GRB10: variants seen among roughly 807,000 people sequenced by gnomAD.
GRB10 encodes growth factor receptor-bound protein 10.
In GRB10, 20 loss-of-function variants were observed where a neutral mutation model predicts 80.9. That is an observed-to-expected ratio of 0.25 (90% CI 0.17 to 0.36). The LOEUF (loss-of-function observed/expected upper bound fraction) is 0.36. Ranked by LOEUF, GRB10 falls within the 10% of genes least tolerant of loss-of-function variation. The probability of loss-of-function intolerance (pLI) is 1.00; values close to 1 mark genes in which losing one functional copy is unlikely to be tolerated. For synonymous variants in GRB10, 291 were observed against 291.5 expected (o/e 1.00, Z 0.02); for missense variants, 548 against 747.7 (o/e 0.73, Z 3.12).
chr7:50,625,189 T>C (rs1249195592), intron 8 of GRB10, among the ~76,000 whole-genome samples: 2 of 152,178 alleles, frequency 1.3e-5, no homozygotes, highest in African/African-American at 4.8e-5. Flanking sequence ...ATTCCTTATA[T>C]GTTAAAATTT....
intron 5 of GRB10, among the ~76,000 whole-genome samples, chr7:50,682,201 T>C (rs957853629): frequency 1.3e-5 from 2 of 152,184 alleles, no homozygotes; most frequent in African/African-American, 2.4e-5. Flanking sequence ...CCTGGAGCAG[T>C]TGGCTAAACA....
intron 7 of GRB10, among the ~76,000 whole-genome samples, chr7:50,666,427 T>C (rs1159237370): frequency 1.3e-5 from 2 of 152,092 alleles, no homozygotes; most frequent in Non-Finnish European, 2.9e-5. Context: ...CCATGCAGAA[T>C]TTTCCCTCCC....
chr7:50,688,531 C>T (rs576898226), intron 5 of GRB10, among the ~76,000 whole-genome samples: 6 of 152,132 alleles, frequency 3.9e-5, no homozygotes, highest in South Asian at 2.1e-4. Flanking sequence ...AGACAAAGGC[C>T]GGGGAGGGCA....
intron 4 of GRB10, among the ~76,000 whole-genome samples, chr7:50,713,646 C>T (rs1453854028): frequency 2.0e-4 from 30 of 149,908 alleles, no homozygotes; most frequent in African/African-American, 7.1e-4. Flanking sequence ...CCACCTCCCC[C>T]ATCACCTCCA....
chr7:50,761,597 AG>A (rs2075772611), intron 2 of GRB10: 1 of 152,258 alleles, frequency 6.6e-6, no homozygotes, highest in Non-Finnish European at 1.5e-5. Context: ...TCACAATGGC[AG>A]TATCAGATGT....
In GRB10 at chr7:50,619,035, C is replaced by G. The variant is rs1261194637; in HGVS notation, c.777+135G>C. On this transcript the variant is annotated intron_variant, in intron 9 of 18. Coordinates refer to ENST00000401949, the MANE Select transcript of GRB10 (RefSeq NM_001350814.2). Reference sequence around the variant, plus strand: ...TTCAAGCAAGGACTGCTTCATTAAACTACAACTCTGATTCTCAAACCCATA... The same window carrying G: ...TTCAAGCAAGGACTGCTTCATTAAAGTACAACTCTGATTCTCAAACCCATA... 8 of 690,326 alleles carry G rather than the reference C, an allele frequency of 1.2e-5. No individual in the cohort carries two copies. In the African/African-American group the frequency reaches 1.2e-4, roughly 11 times the overall value. The allele number at this position is 690,326 out of a possible 1,614,324, so 42.8% of individuals were successfully genotyped here.
At chr7:50,690,970 C>G (rs1183901057) in intron 5 of GRB10, among the ~76,000 whole-genome samples, 1 of 152,086 alleles carries the variant, frequency 6.6e-6, no homozygotes, top group Non-Finnish European at 1.5e-5. Context: ...CAAATAAGGA[C>G]CAGGAGGGAG....
chr7:50,765,126 C>A (rs1202898077), intron 2 of GRB10, among the ~76,000 whole-genome samples: 1 of 152,176 alleles, frequency 6.6e-6, no homozygotes, highest in Admixed American at 6.5e-5. Flanking sequence ...AATAAGATAT[C>A]ATCTCACCCC....
chr7:50,693,315 TA>T (rs1032330997), intron 5 of GRB10, among the ~76,000 whole-genome samples: 8 of 152,338 alleles, frequency 5.3e-5, no homozygotes, highest in African/African-American at 1.7e-4. Context: ...GTCTCTCCAC[TA>T]AGAAATTGGT....
intron 15 of GRB10, 96 bp downstream of exon 15, chr7:50,605,194 C>A: frequency 1.1e-6 from 1 of 927,222 alleles, no homozygotes; most frequent in Admixed American, 1.9e-5. Context: ...ACCCCTCTTG[C>A]CAACCCGCAT....
intron 2 of GRB10, among the ~76,000 whole-genome samples, chr7:50,772,303 T>TA (rs1440042486): frequency 6.6e-6 from 1 of 152,212 alleles, no homozygotes; most frequent in African/African-American, 2.4e-5. Context: ...AAAATCATGT[T>TA]ACTTGTGTCT....
At chr7:50,694,188 A>G (rs900640597) in intron 5 of GRB10, among the ~76,000 whole-genome samples, 3 of 152,198 alleles carry the variant, frequency 2.0e-5, no homozygotes, top group African/African-American at 7.2e-5. Context: ...GCCAGGTGTC[A>G]TGGCACATGT....
intron 1 of GRB10, chr7:50,780,973 G>A (rs1420529871): frequency 6.6e-6 from 1 of 152,162 alleles, no homozygotes; most frequent in Non-Finnish European, 1.5e-5. Flanking sequence ...GATGGCTGGA[G>A]GAGCAACTGG....
chr7:50,758,377 T>A (rs996032867), intron 2 of GRB10, among the ~76,000 whole-genome samples: 6 of 152,208 alleles, frequency 3.9e-5, no homozygotes, highest in African/African-American at 9.7e-5. Flanking sequence ...CGACTTAAAC[T>A]TGAGATCTTA....
At chr7:50,613,273 A>AT (rs2049910290) in intron 12 of GRB10, among the ~76,000 whole-genome samples, 1 of 152,044 alleles carries the variant, frequency 6.6e-6, no homozygotes, top group South Asian at 2.1e-4. Context: ...CACTGAGAGG[A>AT]GGGGCTGCTG....
chr7:50,746,436 C>G (rs994407132), intron 3 of GRB10, among the ~76,000 whole-genome samples: 1 of 152,078 alleles, frequency 6.6e-6, no homozygotes, highest in African/African-American at 2.4e-5. Flanking sequence ...ACCCTGTAAA[C>G]CAAGGAGTGA....
chr7:50,740,446 T>C (rs1462408489), intron 3 of GRB10, among the ~76,000 whole-genome samples: 4 of 152,226 alleles, frequency 2.6e-5, no homozygotes, highest in Non-Finnish European at 5.9e-5. Context: ...TTAATGATGA[T>C]TGGGTTAAAT....
intron 7 of GRB10, among the ~76,000 whole-genome samples, chr7:50,669,004 T>C (rs2060088377): frequency 6.6e-6 from 1 of 152,242 alleles, no homozygotes; most frequent in Non-Finnish European, 1.5e-5. Context: ...GCAGATCATA[T>C]TCAAAGTCAG....
chr7:50,615,863 T>C (rs532692418), intron 11 of GRB10, among the ~76,000 whole-genome samples: 43 of 152,314 alleles, frequency 2.8e-4, no homozygotes, highest in African/African-American at 9.4e-4. Context: ...AGGGTGGCAA[T>C]AGTCTATCAA....
Sources: gnomAD v4.1 joint callset for allele counts (sites outside exome capture counted in the v4.1 genomes callset) on GRCh38, gnomAD v4.1.1 for gene constraint, MANE v1.5 for transcripts, NCBI Gene and HGNC (gene_info 2026-07-23, HGNC 2026-07-21) for gene names.